Variants in KAZN observed in about 807,000 individuals in gnomAD.
KAZN encodes kazrin.
In KAZN, 40 loss-of-function variants were observed where a neutral mutation model predicts 87.4. That is an observed-to-expected ratio of 0.46 (90% confidence interval 0.36 to 0.60). KAZN has a LOEUF of 0.60. KAZN is among the 20% of genes least tolerant of loss of function. The pLI is 0.00. For synonymous variants in KAZN, 466 were observed against 458.3 expected, an observed-to-expected ratio of 1.02 and a Z score of -0.22; for missense variants, 898 against 1,073.9, an observed-to-expected ratio of 0.84 and a Z score of 2.29.
At chr1:14,491,978 TTTAACAA>T (rs1669673580) in intron 2 of KAZN, among the ~76,000 whole-genome samples, 1 of 152,206 alleles carries the variant, frequency 6.6e-6, no homozygotes, top group Non-Finnish European at 1.5e-5. Context: ...CAGTAAGACA[TTTAACAA>T]TTATCAGCCC....
intron 1 of KAZN, among the ~76,000 whole-genome samples, chr1:14,010,707 T>C (rs1265561296): frequency 6.6e-6 from 1 of 152,178 alleles, no homozygotes; most frequent in Admixed American, 6.5e-5. Context: ...TGATGCCAGG[T>C]GGCCAGACAT....
At chr1:14,262,477 A>T (rs1651136025) in intron 2 of KAZN, among the ~76,000 whole-genome samples, 1 of 152,188 alleles carries the variant, frequency 6.6e-6, no homozygotes, top group Non-Finnish European at 1.5e-5. Context: ...GTTGCTGGTC[A>T]TGTTAGCCAC....
intron 1 of KAZN, among the ~76,000 whole-genome samples, chr1:14,177,265 T>C (rs1430225019): frequency 6.6e-6 from 1 of 152,186 alleles, no homozygotes; most frequent in Non-Finnish European, 1.5e-5. Flanking sequence ...ATTATTATTG[T>C]TGTTGCTTTA....
intron 1 of KAZN, among the ~76,000 whole-genome samples, chr1:14,956,694 T>C (rs995419106): frequency 6.6e-6 from 1 of 152,108 alleles, no homozygotes; most frequent in African/African-American, 2.4e-5. Flanking sequence ...TCACACCTTA[T>C]TGTGAAATAG....
intron 1 of KAZN, among the ~76,000 whole-genome samples, chr1:14,848,070 A>G (rs1648990649): frequency 6.6e-6 from 1 of 152,238 alleles, no homozygotes. Context: ...TACGCATGAA[A>G]AACATGCAAA....
intron 1 of KAZN, among the ~76,000 whole-genome samples, chr1:14,800,203 C>T (rs1645964839): frequency 6.6e-6 from 1 of 152,138 alleles, no homozygotes; most frequent in Non-Finnish European, 1.5e-5. Flanking sequence ...AAACCAAGAA[C>T]CACATATGAC....
intron 1 of KAZN, among the ~76,000 whole-genome samples, chr1:14,026,816 G>T (rs368624061): frequency 5.9e-5 from 9 of 152,316 alleles, no homozygotes; most frequent in African/African-American, 1.9e-4. Context: ...GGAAGCAGAT[G>T]AAGGAATTCA....
chr1:13,925,648 T>C (rs1184783614), intron 1 of KAZN, among the ~76,000 whole-genome samples: 1 of 152,174 alleles, frequency 6.6e-6, no homozygotes, highest in Non-Finnish European at 1.5e-5. Flanking sequence ...CCTTGTAGAC[T>C]GTTGAAGGGA....
At chr1:14,109,157 T>A (rs1047031875) in intron 1 of KAZN, among the ~76,000 whole-genome samples, 7 of 152,192 alleles carry the variant, frequency 4.6e-5, no homozygotes, top group African/African-American at 9.7e-5. Flanking sequence ...GTGTGATGAC[T>A]TAAGAGTGAA....
rs565659420 is a variant in KAZN, at chr1:14,215,836, T to C, written c.249+35244T>C. 5.3e-5 allele frequency among the ~76,000 whole-genome samples: 8 copies of C among 152,306 alleles called. No individual in the cohort carries two copies. In the East Asian group the frequency reaches 1.5e-3, roughly 29 times the overall value. ...GGCTTGTGCTATAGAATCCAAGAAC[T>C]AGAGATGAACTGAGAGGTCAGGGAG... is the stretch of plus-strand genomic sequence containing the variant. On this transcript the variant is annotated intron_variant, in intron 2 of 16. Coordinates refer to the KAZN transcript ENST00000636203.
chr1:14,492,777 CGT>C (rs1669742460), intron 2 of KAZN, among the ~76,000 whole-genome samples: 1 of 141,502 alleles, frequency 7.1e-6, no homozygotes, highest in Non-Finnish European at 1.5e-5. Flanking sequence ...ACACACCACA[CGT>C]GCACACACAT....
At chr1:14,800,244 C>T (rs912099374) in intron 1 of KAZN, among the ~76,000 whole-genome samples, 5 of 152,140 alleles carry the variant, frequency 3.3e-5, no homozygotes, top group Admixed American at 6.5e-5. Context: ...TATACATCCA[C>T]GAGAACTGAA....
chr1:15,101,093 T>C (rs1573305832), intron 10 of KAZN, among the ~76,000 whole-genome samples: 1 of 152,162 alleles, frequency 6.6e-6, no homozygotes, highest in Non-Finnish European at 1.5e-5. Flanking sequence ...CGTCTGAGTG[T>C]GGGATTCTCT....
chr1:14,520,971 G>A (rs950895767), intron 2 of KAZN, among the ~76,000 whole-genome samples: 7 of 152,176 alleles, frequency 4.6e-5, no homozygotes, highest in Non-Finnish European at 8.8e-5. Flanking sequence ...CCCATGAGAG[G>A]CCAGAGCAGG....
intron 1 of KAZN, among the ~76,000 whole-genome samples, chr1:14,826,969 GT>G (rs369778299): frequency 6.6e-4 from 100 of 152,328 alleles, no homozygotes; most frequent in African/African-American, 2.4e-3. Context: ...GAGTCCCAGT[GT>G]CTGTGTTTGT....
At chr1:14,275,446 GTGTGTGTGT>G (rs1360382000) in intron 2 of KAZN, among the ~76,000 whole-genome samples, 4 of 67,332 alleles carry the variant, frequency 5.9e-5, no homozygotes, top group Admixed American at 5.2e-4. Context: ...GGTAAATACT[GTGTGTGTGT>G]GTGTGTGTGT....
chr1:14,852,935 C>G (rs184966058), intron 1 of KAZN, among the ~76,000 whole-genome samples: 2 of 152,306 alleles, frequency 1.3e-5, no homozygotes, highest in Admixed American at 1.3e-4. Context: ...ACCAGATCCT[C>G]AGGTGATTCC....
At chr1:14,540,964 A>G (rs1393022798) in intron 2 of KAZN, among the ~76,000 whole-genome samples, 1 of 152,214 alleles carries the variant, frequency 6.6e-6, no homozygotes, top group Non-Finnish European at 1.5e-5. Flanking sequence ...TAATTAGATG[A>G]ACAAGGACAG....
intron 2 of KAZN, among the ~76,000 whole-genome samples, chr1:14,239,202 A>G (rs992976428): frequency 2.0e-5 from 3 of 152,202 alleles, no homozygotes; most frequent in Non-Finnish European, 4.4e-5. Context: ...GCTTTAGTGG[A>G]CAAGGGCACA....
Sources: allele counts gnomAD v4.1 joint callset (sites outside exome capture counted in the v4.1 genomes callset), GRCh38; gene constraint gnomAD v4.1.1; transcripts MANE v1.5; gene names NCBI Gene and HGNC (gene_info 2026-07-23, HGNC 2026-07-21).